The following PDE1A variants were observed in gnomAD, a reference collection of about 807,000 sequenced individuals.
The protein encoded by PDE1A is phosphodiesterase 1A, also known as dual specificity calcium/calmodulin-dependent 3',5'-cyclic nucleotide phosphodiesterase 1A.
A neutral mutation model predicts 61.7 loss-of-function variants in PDE1A; 35 were observed. The ratio of observed to expected loss-of-function variants is 0.57; its 90% CI spans 0.43 to 0.75. The LOEUF is 0.75. PDE1A is among the 30% of genes least tolerant of loss of function. PDE1A has a pLI of 0.00. For synonymous variants in PDE1A, 232 were observed against 213.2 expected (o/e 1.09, Z -0.77); for missense variants, 597 against 630.6 (o/e 0.95, Z 0.57).
chr2:182,564,325 G>A, the PDE1A span, among the ~76,000 whole-genome samples: 10 of 152,212 alleles, frequency 6.6e-5, no homozygotes, highest in Admixed American at 5.9e-4. Context: ...GCTTAGTTTG[G>A]CTGGATATGA....
At chr2:182,631,897 C>T in the PDE1A span, among the ~76,000 whole-genome samples, 1 of 152,162 alleles carries the variant, frequency 6.6e-6, no homozygotes, top group Non-Finnish European at 1.5e-5. Context: ...GCAATAATTA[C>T]CATTTGTTTT....
chr2:182,527,558 A>G (rs1276980228), upstream of PDE1A, among the ~76,000 whole-genome samples: 1 of 151,136 alleles, frequency 6.6e-6, no homozygotes, highest in African/African-American at 2.4e-5. Flanking sequence ...CCCATGTCAA[A>G]AAAAGAAAAA....
the PDE1A span, among the ~76,000 whole-genome samples, chr2:182,663,160 T>C: frequency 1.3e-5 from 2 of 152,150 alleles, no homozygotes; most frequent in African/African-American, 4.8e-5. Flanking sequence ...AGAATGGCTA[T>C]TACTAAAAAG....
At chr2:182,143,673 G>T (rs1690343003), downstream of PDE1A, among the ~76,000 whole-genome samples, 1 of 151,918 alleles carries the variant, frequency 6.6e-6, no homozygotes. Context: ...CCGCCACTAC[G>T]CCCGGCTAAC....
At chr2:182,379,409 A>G (rs182159130) in intron 1 of PDE1A, among the ~76,000 whole-genome samples, 24 of 152,358 alleles carry the variant, frequency 1.6e-4, no homozygotes, top group Non-Finnish European at 2.9e-5. Context: ...AGAGATCATG[A>G]AAGCACATGG....
chr2:182,201,327 G>A lies in PDE1A; in HGVS notation c.1125+112C>T, dbSNP rs116872807. On this transcript the variant is annotated intron_variant, in intron 10 of 13. Transcript: ENST00000351439. ...CTGAAACCCCCAAGAATGTGTAGGTGGCCAGTTGATAATAGTAAGTCACAA... is the reference window on the plus strand; with the variant it reads ...CTGAAACCCCCAAGAATGTGTAGGTAGCCAGTTGATAATAGTAAGTCACAA... 254 of 1,305,358 alleles carry A rather than the reference G, an allele frequency of 1.9e-4. No individual in the cohort carries two copies. The East Asian group carries it at 2.2e-3, about 11-fold the overall frequency. The allele number at this position is 1,305,358 out of a possible 1,614,324, so 80.9% of individuals were successfully genotyped here. A position where few individuals can be genotyped will look rare whatever the true frequency, so the allele number is the denominator to read the frequency against.
the PDE1A span, among the ~76,000 whole-genome samples, chr2:182,625,758 T>C: frequency 6.6e-6 from 1 of 152,210 alleles, no homozygotes; most frequent in Non-Finnish European, 1.5e-5. Flanking sequence ...TATGTACTTT[T>C]GAGGGGTGCA....
intron 2 of PDE1A, among the ~76,000 whole-genome samples, chr2:182,444,582 A>T (rs2125691304): frequency 6.6e-6 from 1 of 152,106 alleles, no homozygotes; most frequent in South Asian, 2.1e-4. Flanking sequence ...ATGAATTTTG[A>T]GTTTGAAGAG....
At chr2:182,308,984 A>C (rs1389329866) in intron 1 of PDE1A, among the ~76,000 whole-genome samples, 1 of 151,908 alleles carries the variant, frequency 6.6e-6, no homozygotes, top group African/African-American at 2.4e-5. Flanking sequence ...AATGCCAGGT[A>C]AATATCTATT....
At chr2:182,554,506 CT>C in the PDE1A span, among the ~76,000 whole-genome samples, 1 of 152,120 alleles carries the variant, frequency 6.6e-6, no homozygotes, top group African/African-American at 2.4e-5. Flanking sequence ...AATGAAGTAT[CT>C]AGTGAGGTGG....
the PDE1A span, among the ~76,000 whole-genome samples, chr2:182,714,543 A>T: frequency 2.0e-5 from 3 of 152,058 alleles, no homozygotes; most frequent in African/African-American, 4.8e-5. Context: ...TTTATCTCCC[A>T]TATCCAACCA....
At chr2:182,270,706 G>T (rs1692955039) in intron 1 of PDE1A, among the ~76,000 whole-genome samples, 1 of 150,942 alleles carries the variant, frequency 6.6e-6, no homozygotes, top group Non-Finnish European at 1.5e-5. Flanking sequence ...AAAGTTAAAA[G>T]AAATTATATA....
intron 2 of PDE1A, among the ~76,000 whole-genome samples, chr2:182,465,717 C>A (rs1388982188): frequency 1.3e-5 from 2 of 152,118 alleles, no homozygotes; most frequent in East Asian, 3.9e-4. Flanking sequence ...ATTTAGTTAT[C>A]CACAGACAAA....
intron 7 of PDE1A, among the ~76,000 whole-genome samples, chr2:182,210,632 TA>T (rs1256281873): frequency 1.3e-5 from 2 of 152,194 alleles, no homozygotes; most frequent in African/African-American, 4.8e-5. Flanking sequence ...GTGTCTTTGG[TA>T]GAGCATAAAT....
chr2:182,217,593 C>T (rs558366507), intron 7 of PDE1A, among the ~76,000 whole-genome samples: 9 of 146,682 alleles, frequency 6.1e-5, no homozygotes, highest in African/African-American at 2.3e-4. Context: ...ACAACCCCAT[C>T]AAAAAGTGGG....
At chr2:182,248,566 G>C (rs1236757557) in intron 2 of PDE1A, among the ~76,000 whole-genome samples, 1 of 151,248 alleles carries the variant, frequency 6.6e-6, no homozygotes, top group Non-Finnish European at 1.5e-5. Context: ...AACTCCCAAA[G>C]GGCTTATATT....
the PDE1A span, among the ~76,000 whole-genome samples, chr2:182,701,489 T>C: frequency 1.3e-5 from 2 of 151,736 alleles, no homozygotes; most frequent in Non-Finnish European, 1.5e-5. Context: ...CAAGTGATTC[T>C]CCTGCCTTAG....
At chr2:182,263,356 A>G (rs1444677805) in intron 2 of PDE1A, among the ~76,000 whole-genome samples, 1 of 151,972 alleles carries the variant, frequency 6.6e-6, no homozygotes, top group African/African-American at 2.4e-5. Context: ...TACTTTGAAT[A>G]TATATATTTT....
At chr2:182,199,268 T>C (rs1000225715) in intron 10 of PDE1A, among the ~76,000 whole-genome samples, 1 of 152,016 alleles carries the variant, frequency 6.6e-6, no homozygotes, top group African/African-American at 2.4e-5. Flanking sequence ...CCAACTGTTA[T>C]CTTCATTAAC....
Sources: gnomAD v4.1 joint callset for allele counts (sites outside exome capture counted in the v4.1 genomes callset) on GRCh38, gnomAD v4.1.1 for gene constraint, MANE v1.5 for transcripts, NCBI Gene and HGNC (gene_info 2026-07-23, HGNC 2026-07-21) for gene names.